Variants in TAF4B observed in about 807,000 individuals in gnomAD.
The protein encoded by TAF4B is TATA-box binding protein associated factor 4b, also known as transcription initiation factor TFIID subunit 4B.
Under a neutral mutation model 86.4 loss-of-function variants are expected in TAF4B, and 38 were observed. The ratio of observed to expected loss-of-function variants is 0.44; its 90% confidence interval spans 0.34 to 0.58. The LOEUF (loss-of-function observed/expected upper bound fraction) is 0.58. TAF4B is among the 20% of genes least tolerant of loss of function. The pLI, the probability that TAF4B is intolerant of heterozygous loss-of-function variation, is 0.02. For synonymous variants in TAF4B, 388 were observed against 391.2 expected, an observed-to-expected ratio of 0.99 and a Z score of 0.10; for missense variants, 988 against 1,027.6, an observed-to-expected ratio of 0.96 and a Z score of 0.53.
At chr18:26,281,703 G>A (rs2056451557) in intron 5 of TAF4B, among the ~76,000 whole-genome samples, 1 of 152,130 alleles carries the variant, frequency 6.6e-6, no homozygotes, top group Admixed American at 6.6e-5. Flanking sequence ...TTGTAATAAT[G>A]TAGTATTACT....
intron 9 of TAF4B, among the ~76,000 whole-genome samples, chr18:26,308,736 G>C (rs1200946873): frequency 1.3e-5 from 2 of 152,052 alleles, no homozygotes; most frequent in East Asian, 3.9e-4. Context: ...GCTGGGTGTG[G>C]TGGTGCATGC....
At chr18:26,262,030 A>AC (rs1278123341) in intron 1 of TAF4B, among the ~76,000 whole-genome samples, 1 of 152,050 alleles carries the variant, frequency 6.6e-6, no homozygotes, top group Non-Finnish European at 1.5e-5. Flanking sequence ...CCAACATGGA[A>AC]CACCTCCAGC....
chr18:26,252,259 C>A (rs114964403), intron 1 of TAF4B, among the ~76,000 whole-genome samples: 2 of 152,012 alleles, frequency 1.3e-5, no homozygotes, highest in South Asian at 4.1e-4. Context: ...GTATATTATT[C>A]TTTTTGGTGC....
intron 3 of TAF4B, among the ~76,000 whole-genome samples, chr18:26,274,346 T>A (rs2056356655): frequency 6.6e-6 from 1 of 152,204 alleles, no homozygotes; most frequent in Admixed American, 6.5e-5. Context: ...TAGCACTGTT[T>A]TTCACAAAAA....
At chr18:26,376,588 T>C (rs1181488121) in intron 14 of TAF4B, among the ~76,000 whole-genome samples, 1 of 152,028 alleles carries the variant, frequency 6.6e-6, no homozygotes, top group African/African-American at 2.4e-5. Context: ...TGTGAGTTTC[T>C]TGGGATTTTC....
chr18:26,334,140 T>C (rs1241154298), intron 12 of TAF4B, among the ~76,000 whole-genome samples: 1 of 152,074 alleles, frequency 6.6e-6, no homozygotes, highest in Non-Finnish European at 1.5e-5. Flanking sequence ...TGTTAGTAGA[T>C]TGGGGACTAA....
chr18:26,346,861 G>GTGTGTATATATATATA (rs1555623686), intron 13 of TAF4B, among the ~76,000 whole-genome samples: 8 of 17,768 alleles, frequency 4.5e-4, no homozygotes, highest in South Asian at 2.3e-3. Context: ...ATATATATGT[G>GTGTGTATATATATATA]TATATATATA....
intron 13 of TAF4B, among the ~76,000 whole-genome samples, chr18:26,353,566 T>G (rs1223996459): frequency 1.3e-5 from 2 of 152,320 alleles, no homozygotes; most frequent in East Asian, 3.9e-4. Flanking sequence ...TTCCTGTCTC[T>G]CTTAAAGTAA....
rs2057055651 is a variant in TAF4B at position 26,332,215 on chromosome 18, C to T, written c.2260-2960C>T. On this transcript the variant is annotated intron_variant, in intron 12 of 14. Coordinates refer to ENST00000269142, the MANE Select transcript of TAF4B (RefSeq NM_005640.3). ...CTTGATTCCTCTCTTTACTTCATAA[C>T]TGACAACCAGCCCGGCAGCAAATCT... 3.3e-5 allele frequency among the ~76,000 whole-genome samples: 5 copies of T among 152,214 alleles called. No homozygotes were observed. In the South Asian group the frequency reaches 8.3e-4, roughly 25 times the overall value.
At chr18:26,273,330 A>G (rs2056343385) in intron 3 of TAF4B, among the ~76,000 whole-genome samples, 1 of 152,192 alleles carries the variant, frequency 6.6e-6, no homozygotes, top group Non-Finnish European at 1.5e-5. Context: ...CAAATGTATT[A>G]GCATATGGTA....
intron 12 of TAF4B, 57 bp downstream of exon 12, chr18:26,327,197 C>T (rs1473786810): frequency 6.4e-7 from 1 of 1,561,410 alleles, no homozygotes; most frequent in Non-Finnish European, 8.7e-7. Flanking sequence ...TCAGAGGTGG[C>T]TTTATCGTTG....
intron 1 of TAF4B, among the ~76,000 whole-genome samples, chr18:26,260,629 C>A (rs1357381365): frequency 1.3e-5 from 2 of 152,072 alleles, no homozygotes; most frequent in Admixed American, 6.6e-5. Context: ...CTGTTCTGTT[C>A]CATTGGTCTA....
intron 14 of TAF4B, among the ~76,000 whole-genome samples, chr18:26,370,905 T>A (rs1164067991): frequency 6.6e-6 from 1 of 152,226 alleles, no homozygotes. Context: ...GAACTTTATT[T>A]GTATATTGTA....
rs199513297 is a variant in TAF4B at position 26,327,138 on chromosome 18, A to G, written c.2257A>G (p.Lys753Glu). 1.9e-6 allele frequency: 3 copies of G among 1,611,078 alleles called. No individual in the cohort carries two copies. Among genetic ancestry groups the G allele is most frequent in the South Asian group, 1.1e-5 (1 of 90,962 alleles). ...AAGAGAAATGTTACTTAAGGCAGCC[A>G]AGGTAAGGGCCAGTGTGATTTATGA... Reference protein sequence around the residue: ...EEREMLLKAAKSRSNKEDPEQ... With the variant: ...EEREMLLKAAESRSNKEDPEQ... Residue 753 changes from lysine (K) to glutamate (E), a missense_variant and splice_region_variant, in exon 12 of 15, where the codon AAG becomes GAG. Coordinates refer to ENST00000269142, the MANE Select transcript of TAF4B (RefSeq NM_005640.3).
chr18:26,358,511 C>T (rs1445936794), intron 14 of TAF4B, among the ~76,000 whole-genome samples: 1 of 152,140 alleles, frequency 6.6e-6, no homozygotes, highest in Non-Finnish European at 1.5e-5. Context: ...GAGATCGAGA[C>T]CATCCTGTTT....
At chr18:26,362,025 A>T (rs775354336) in intron 14 of TAF4B, among the ~76,000 whole-genome samples, 2 of 152,200 alleles carry the variant, frequency 1.3e-5, no homozygotes, top group Non-Finnish European at 2.9e-5. Context: ...TGTTATAGGC[A>T]TGTCTAAGTT....
intron 14 of TAF4B, among the ~76,000 whole-genome samples, chr18:26,387,590 C>T (rs1292864173): frequency 6.6e-6 from 1 of 152,172 alleles, no homozygotes; most frequent in Non-Finnish European, 1.5e-5. Flanking sequence ...CACTGCCAGG[C>T]TTAGCTGAAG....
intron 14 of TAF4B, among the ~76,000 whole-genome samples, chr18:26,381,193 T>G (rs2057476005): frequency 6.6e-6 from 1 of 151,832 alleles, no homozygotes; most frequent in Non-Finnish European, 1.5e-5. Flanking sequence ...TTTAGCATTT[T>G]TAGTAGAGGT....
intron 1 of TAF4B, among the ~76,000 whole-genome samples, chr18:26,231,292 C>A (rs2055664635): frequency 6.7e-6 from 1 of 149,842 alleles, no homozygotes; most frequent in South Asian, 2.1e-4. Flanking sequence ...ATCCGCCCAC[C>A]TTGGCCTCCC....
Sources: allele counts gnomAD v4.1 joint callset (sites outside exome capture counted in the v4.1 genomes callset), GRCh38; gene constraint gnomAD v4.1.1; transcripts MANE v1.5; gene names NCBI Gene and HGNC (gene_info 2026-07-23, HGNC 2026-07-21).